The following PKNOX2 variants were observed in gnomAD, a reference collection of about 807,000 sequenced individuals.
PKNOX2 encodes PBX/knotted 1 homeobox 2, also known as homeobox protein PKNOX2.
Under a neutral mutation model 53.1 loss-of-function variants are expected in PKNOX2, and 14 were observed. The ratio of observed to expected loss-of-function variants is 0.26; its 90% CI spans 0.17 to 0.41. PKNOX2 has a LOEUF of 0.41. Among genes scored for constraint, PKNOX2 ranks in the 10% least tolerant of loss-of-function variants. The pLI, the probability that PKNOX2 is intolerant of heterozygous loss-of-function variation, is 1.00. For synonymous variants in PKNOX2, 257 were observed against 242.8 expected, an observed-to-expected ratio of 1.06 and a Z score of -0.54; for missense variants, 496 against 602.8, an observed-to-expected ratio of 0.82 and a Z score of 1.85.
At chr11:125,407,307 C>T (rs1024921630) in intron 7 of PKNOX2, among the ~76,000 whole-genome samples, 3 of 152,210 alleles carry the variant, frequency 2.0e-5, no homozygotes, top group Non-Finnish European at 2.9e-5. Context: ...TCTGAGTAAG[C>T]AGACGAAGCA....
chr11:125,229,210 C>T (rs1038065738), intron 1 of PKNOX2, among the ~76,000 whole-genome samples: 4 of 152,272 alleles, frequency 2.6e-5, no homozygotes, highest in Middle Eastern at 3.4e-3. Context: ...ACCTTGAACC[C>T]GATACTGCTC....
intron 3 of PKNOX2, among the ~76,000 whole-genome samples, chr11:125,333,178 A>G (rs577351374): frequency 6.6e-6 from 1 of 152,318 alleles, no homozygotes; most frequent in Admixed American, 6.5e-5. Flanking sequence ...GGAAGAAGGT[A>G]CAAAAAGGGA....
chr11:125,221,473 T>C (rs1941146355), intron 1 of PKNOX2, among the ~76,000 whole-genome samples: 1 of 152,146 alleles, frequency 6.6e-6, no homozygotes, highest in African/African-American at 2.4e-5. Flanking sequence ...GTCTGCAGAG[T>C]TGGGGGCCAG....
At chr11:125,270,684 A>G (rs1175960358) in intron 2 of PKNOX2, among the ~76,000 whole-genome samples, 1 of 152,028 alleles carries the variant, frequency 6.6e-6, no homozygotes, top group Non-Finnish European at 1.5e-5. Context: ...GCCAATGTGG[A>G]CTCCTCAGCC....
chr11:125,222,583 C>T, intron 1 of PKNOX2, among the ~76,000 whole-genome samples: 1 of 149,124 alleles, frequency 6.7e-6, no homozygotes, highest in African/African-American at 2.5e-5. Flanking sequence ...AATAGGTGCT[C>T]CTGGTGTGTG....
intron 2 of PKNOX2, among the ~76,000 whole-genome samples, chr11:125,255,059 T>A (rs1944312831): frequency 6.6e-6 from 1 of 152,226 alleles, no homozygotes; most frequent in Non-Finnish European, 1.5e-5. Flanking sequence ...GTTTGCTGTC[T>A]AGCAAGTATT....
At chr11:125,290,017 C>T (rs1174881843) in intron 2 of PKNOX2, among the ~76,000 whole-genome samples, 1 of 152,176 alleles carries the variant, frequency 6.6e-6, no homozygotes, top group Non-Finnish European at 1.5e-5. Flanking sequence ...TCACTCCCAC[C>T]CCCAGCATGA....
At chr11:125,423,015 C>T (rs535159389) in intron 10 of PKNOX2, among the ~76,000 whole-genome samples, 1 of 152,098 alleles carries the variant, frequency 6.6e-6, no homozygotes, top group South Asian at 2.1e-4. Flanking sequence ...CGTATATTAA[C>T]TCATTTACTG....
intron 2 of PKNOX2, among the ~76,000 whole-genome samples, chr11:125,330,796 C>T (rs1354942499): frequency 4.0e-5 from 6 of 151,844 alleles, no homozygotes; most frequent in African/African-American, 1.5e-4. Context: ...CCCGGCCTGG[C>T]CCACTGTTTA....
chr11:125,232,046 G>C lies in PKNOX2; in HGVS notation c.-200-2999G>C, dbSNP rs149960270. On this transcript the variant is annotated intron_variant, in intron 1 of 12. Transcript: ENST00000298282. ...AAGGAAGACTCGCTCATTTCTGGAT[G>C]GTTCTCATTGCCAGAGAATTCTTTC... 2.8e-3 allele frequency among the ~76,000 whole-genome samples: 422 copies of C among 152,278 alleles called. 1 individual carries two copies. The highest frequency in any genetic ancestry group is 9.5e-3 in the African/African-American group (396 of 41,564).
intron 1 of PKNOX2, among the ~76,000 whole-genome samples, chr11:125,230,272 C>G (rs1942095305): frequency 6.6e-6 from 1 of 152,220 alleles, no homozygotes; most frequent in Non-Finnish European, 1.5e-5. Flanking sequence ...GTAATTATAT[C>G]TATTTAATTA....
At chr11:125,360,675 T>G (rs1951875544) in intron 4 of PKNOX2, among the ~76,000 whole-genome samples, 2 of 152,094 alleles carry the variant, frequency 1.3e-5, no homozygotes, top group Non-Finnish European at 2.9e-5. Context: ...CCCACACTGG[T>G]AGGACCCCCA....
intron 2 of PKNOX2, among the ~76,000 whole-genome samples, chr11:125,262,944 G>A (rs1042388319): frequency 2.0e-5 from 3 of 151,974 alleles, no homozygotes; most frequent in African/African-American, 7.3e-5. Context: ...GGCGCCCCTC[G>A]CCCTCCCCGA....
intron 1 of PKNOX2, among the ~76,000 whole-genome samples, chr11:125,229,254 G>A (rs1941995854): frequency 6.6e-6 from 1 of 152,172 alleles, no homozygotes; most frequent in Non-Finnish European, 1.5e-5. Flanking sequence ...TAGGTGTCTG[G>A]CCCCGTGACG....
intron 2 of PKNOX2, among the ~76,000 whole-genome samples, chr11:125,250,882 G>T (rs1943941515): frequency 6.6e-6 from 1 of 152,274 alleles, no homozygotes; most frequent in Non-Finnish European, 1.5e-5. Flanking sequence ...CTGGAGATCG[G>T]CAGGGCAGAA....
At chr11:125,261,776 C>G (rs190155644) in intron 2 of PKNOX2, among the ~76,000 whole-genome samples, 3 of 152,240 alleles carry the variant, frequency 2.0e-5, no homozygotes, top group Non-Finnish European at 4.4e-5. Context: ...CCGCTCTTTC[C>G]GATCTGCAAA....
chr11:125,308,121 C>T (rs778610890), intron 2 of PKNOX2, among the ~76,000 whole-genome samples: 5 of 152,216 alleles, frequency 3.3e-5, no homozygotes, highest in Non-Finnish European at 7.3e-5. Flanking sequence ...TGGTGTTGAG[C>T]GTATGGTCCC....
At chr11:125,263,825 G>A (rs1311676010) in intron 2 of PKNOX2, among the ~76,000 whole-genome samples, 1 of 152,252 alleles carries the variant, frequency 6.6e-6, no homozygotes, top group Non-Finnish European at 1.5e-5. Flanking sequence ...GTTGGAAGAA[G>A]TGTCAGGTCT....
At chr11:125,378,532 T>C (rs1952980889) in intron 5 of PKNOX2, among the ~76,000 whole-genome samples, 1 of 152,154 alleles carries the variant, frequency 6.6e-6, no homozygotes, top group Admixed American at 6.5e-5. Context: ...GGCTTCCCTC[T>C]TCCCACCCCC....
Sources: allele counts gnomAD v4.1 joint callset (sites outside exome capture counted in the v4.1 genomes callset), GRCh38; gene constraint gnomAD v4.1.1; transcripts MANE v1.5; gene names NCBI Gene and HGNC (gene_info 2026-07-23, HGNC 2026-07-21).